Variants in CCDC138 observed in about 807,000 individuals in gnomAD.
CCDC138 encodes coiled-coil domain containing 138, also known as coiled-coil domain-containing protein 138.
In CCDC138, 66 loss-of-function variants were observed where a neutral mutation model predicts 82.3. The observed-to-expected ratio is 0.80, with a 90% CI of 0.66 to 0.98. The LOEUF (loss-of-function observed/expected upper bound fraction) is 0.98, where lower values mean the gene tolerates loss of function less well. Among genes scored for constraint, CCDC138 ranks in the 50% least tolerant of loss-of-function variants. The probability of loss-of-function intolerance (pLI) is 0.00; values close to 1 mark genes in which losing one functional copy is unlikely to be tolerated. For missense variants in CCDC138, 816 were observed against 758.9 expected, an observed-to-expected ratio of 1.08 and a Z score of -0.88; for synonymous variants, 297 against 265.4, an observed-to-expected ratio of 1.12 and a Z score of -1.16.
downstream of CCDC138, among the ~76,000 whole-genome samples, chr2:108,880,656 A>G (rs1304864386): frequency 2.0e-5 from 3 of 152,166 alleles, no homozygotes; most frequent in Non-Finnish European, 4.4e-5. Flanking sequence ...CCTGTACTCT[A>G]TAAATGGAAG....
chr2:108,875,046 A>C lies in CCDC138; in HGVS notation c.1833-1042A>C, dbSNP rs1695818616. Among the ~76,000 whole-genome samples the C allele has an allele frequency of 2.6e-5, 4 of 152,224 alleles. No homozygotes were observed. The South Asian group carries it at 8.3e-4, about 32-fold the overall frequency. On this transcript the variant is annotated intron_variant, in intron 14 of 14. Transcript: ENST00000295124. Reference sequence around the variant, plus strand: ...TTAGATAAAAAAACAAAGCTTGAACAAGAAGACTGGGAATAGTTGATGCTC... The same window carrying C: ...TTAGATAAAAAAACAAAGCTTGAACCAGAAGACTGGGAATAGTTGATGCTC...
intron 10 of CCDC138, among the ~76,000 whole-genome samples, chr2:108,835,077 A>G (rs567187671): frequency 4.6e-5 from 7 of 152,346 alleles, no homozygotes; most frequent in African/African-American, 1.4e-4. Context: ...GTCAGAAAAC[A>G]TATCTGCTGC....
At chr2:108,802,078 G>T (rs1682010850) in intron 6 of CCDC138, among the ~76,000 whole-genome samples, 2 of 145,024 alleles carry the variant, frequency 1.4e-5, no homozygotes, top group African/African-American at 5.1e-5. Context: ...CTCCAGCTTT[G>T]TTCTTTTGGC....
intron 10 of CCDC138, among the ~76,000 whole-genome samples, chr2:108,820,699 C>CAAAAA (rs764017401): frequency 1.1e-3 from 68 of 62,474 alleles, no homozygotes; most frequent in Middle Eastern, 0.014. Context: ...ATTCAAAGTG[C>CAAAAA]AAAAAAAAAA....
chr2:108,845,105 A>G lies in CCDC138; in HGVS notation c.1324-1633A>G, dbSNP rs569967576. On this transcript the variant is annotated intron_variant, in intron 11 of 14. Transcript: ENST00000295124. Reference sequence around the variant, plus strand: ...AAAGTGTAGTAGTAAAGCATTAGAGATAATTTTAAAAACAAAAAAAGTTTA... The same window carrying G: ...AAAGTGTAGTAGTAAAGCATTAGAGGTAATTTTAAAAACAAAAAAAGTTTA... Among the ~76,000 whole-genome samples, 4 of 152,142 alleles carry G rather than the reference A, an allele frequency of 2.6e-5. No individual in the cohort carries two copies. The East Asian group carries it at 7.7e-4, about 29-fold the overall frequency.
chr2:108,846,712 A>G, intron 11 of CCDC138, 26 bp from the exon 12 acceptor site: 3 of 1,568,468 alleles, frequency 1.9e-6, no homozygotes, highest in Non-Finnish European at 2.6e-6. Flanking sequence ...GAATAAATAT[A>G]CTAAGATTGT....
At chr2:108,823,464 T>TAAA (rs1686052229) in intron 10 of CCDC138, among the ~76,000 whole-genome samples, 1 of 152,224 alleles carries the variant, frequency 6.6e-6, no homozygotes, top group South Asian at 2.1e-4. Flanking sequence ...AATGTATTGT[T>TAAA]AGGTGACTTT....
chr2:108,853,106 G>A (rs1691804377), intron 12 of CCDC138, among the ~76,000 whole-genome samples: 1 of 152,180 alleles, frequency 6.6e-6, no homozygotes, highest in African/African-American at 2.4e-5. Flanking sequence ...TTAATATGCT[G>A]TTTGTAATAA....
At chr2:108,813,671 A>G (rs754244410) in intron 9 of CCDC138, among the ~76,000 whole-genome samples, 1 of 152,214 alleles carries the variant, frequency 6.6e-6, no homozygotes, top group Admixed American at 6.5e-5. Flanking sequence ...CCTTTAGTGT[A>G]AAGTTTGATT....
intron 5 of CCDC138, among the ~76,000 whole-genome samples, chr2:108,796,601 A>G (rs927275458): frequency 6.6e-6 from 1 of 152,228 alleles, no homozygotes; most frequent in Non-Finnish European, 1.5e-5. Context: ...GCAGATAAAG[A>G]AAATGTGGTA....
At chr2:108,853,969 TATATATA>T (rs1226723587) in intron 12 of CCDC138, among the ~76,000 whole-genome samples, 4 of 112,130 alleles carry the variant, frequency 3.6e-5, no homozygotes, top group African/African-American at 1.4e-4. Context: ...TATAATAAAA[TATATATA>T]ATATATAATA....
chr2:108,796,493 A>G (rs1359950614), intron 5 of CCDC138, among the ~76,000 whole-genome samples: 1 of 152,224 alleles, frequency 6.6e-6, no homozygotes, highest in Non-Finnish European at 1.5e-5. Flanking sequence ...TATCCCCGAA[A>G]AAAGAAAACG....
intron 1 of CCDC138, 177 bp from the exon 2 acceptor site, chr2:108,787,855 C>G: frequency 5.3e-6 from 1 of 187,308 alleles, no homozygotes; most frequent in Non-Finnish European, 1.0e-5. Flanking sequence ...TGGGGAGGAA[C>G]ATGACGTTGG....
chr2:108,816,116 T>C lies in CCDC138; in HGVS notation c.1206+11T>C. The C allele has an allele frequency of 6.4e-7, 1 of 1,568,120 alleles. No homozygotes were observed. Among genetic ancestry groups the C allele is most frequent in the Non-Finnish European group, 8.7e-7 (1 of 1,147,406 alleles). The stretch of plus-strand genomic sequence containing the variant: ...GAGAAGTGTGTAAAGGTTTGTTTTT[T>C]AATTTGAAATATGTGATTCAGAATA... On this transcript the variant is annotated intron_variant, in intron 10 of 14. Coordinates refer to ENST00000295124, the MANE Select transcript of CCDC138 (RefSeq NM_144978.3).
intron 4 of CCDC138, among the ~76,000 whole-genome samples, chr2:108,794,210 GGA>G (rs1030027682): frequency 3.7e-4 from 56 of 152,232 alleles, no homozygotes; most frequent in African/African-American, 1.1e-3. Context: ...TTGGTTTAGG[GGA>G]GAGAGGGGAA....
intron 2 of CCDC138, 70 bp from the exon 3 acceptor site, chr2:108,788,782 T>A: frequency 6.3e-7 from 1 of 1,593,126 alleles, no homozygotes; most frequent in Non-Finnish European, 8.5e-7. Context: ...TATTTAGACT[T>A]ATGGCCAGTG....
rs562431113 is a variant in CCDC138, at chr2:108,883,374, C to T, written c.*44+583C>T. 4 of 152,324 alleles carry T rather than the reference C, an allele frequency of 2.6e-5. No individual in the cohort carries two copies. The East Asian group carries it at 5.8e-4, about 22-fold the overall frequency. 9.4% of individuals were successfully genotyped at this position (152,324 alleles called of 1,614,324 possible). The stretch of plus-strand genomic sequence containing the variant: ...ACTATTTACTGAGCACTCACCTGCA[C>T]GGGGCCATGTGCTTTTCAGACATTG... On this transcript the variant is annotated intron_variant, in intron 2 of 2. Coordinates refer to the CCDC138 transcript ENST00000608781.
intron 7 of CCDC138, among the ~76,000 whole-genome samples, chr2:108,806,814 A>C (rs1682952165): frequency 6.6e-6 from 1 of 152,216 alleles, no homozygotes; most frequent in Non-Finnish European, 1.5e-5. Flanking sequence ...CTAATAATTT[A>C]AAAGCATTTC....
chr2:108,825,694 T>C (rs1686463836), intron 10 of CCDC138, among the ~76,000 whole-genome samples: 1 of 152,218 alleles, frequency 6.6e-6, no homozygotes, highest in Non-Finnish European at 1.5e-5. Context: ...TATTTACCCA[T>C]ATCACTTGAT....
Sources: allele counts gnomAD v4.1 joint callset (sites outside exome capture counted in the v4.1 genomes callset), GRCh38; gene constraint gnomAD v4.1.1; transcripts MANE v1.5; gene names NCBI Gene and HGNC (gene_info 2026-07-23, HGNC 2026-07-21).